Variants in DNAL1 observed in about 807,000 individuals in gnomAD.
DNAL1 encodes dynein axonemal light chain 1.
A neutral mutation model predicts 29.4 loss-of-function variants in DNAL1; 17 were observed. The observed-to-expected ratio is 0.58, with a 90% CI of 0.40 to 0.87. The LOEUF (loss-of-function observed/expected upper bound fraction) is 0.87. DNAL1 is among the 40% of genes least tolerant of loss of function. The pLI, the probability that DNAL1 is intolerant of heterozygous loss-of-function variation, is 0.00. For synonymous variants in DNAL1, 78 were observed against 76.3 expected, an observed-to-expected ratio of 1.02 and a Z score of -0.12; for missense variants, 188 against 214.1, an observed-to-expected ratio of 0.88 and a Z score of 0.76.
chr14:73,672,238 A>C (rs1187226638), intron 5 of DNAL1, among the ~76,000 whole-genome samples: 1 of 152,206 alleles, frequency 6.6e-6, no homozygotes, highest in African/African-American at 2.4e-5. Context: ...CCAAACTCTG[A>C]ATTATATTTC....
rs1891392733 is a variant in DNAL1, at chr14:73,663,076, T to C, written c.208+1034T>C. Among the ~76,000 whole-genome samples the C allele has an allele frequency of 2.6e-5, 4 of 152,114 alleles. No individual in the cohort carries two copies. The South Asian group carries it at 8.3e-4, about 31-fold the overall frequency. On this transcript the variant is annotated intron_variant, in intron 4 of 7. Transcript: ENST00000553645. ...CTTCAAACATTTTGACCACTTTCCATTGTAAGAAATACATCTGAATGTATT... is the reference window on the plus strand; with the variant it reads ...CTTCAAACATTTTGACCACTTTCCACTGTAAGAAATACATCTGAATGTATT...
intron 4 of DNAL1, among the ~76,000 whole-genome samples, chr14:73,667,394 GC>G (rs1891512027): frequency 6.6e-6 from 1 of 151,980 alleles, no homozygotes; most frequent in African/African-American, 2.4e-5. Flanking sequence ...GAATCAAAGT[GC>G]TGGGATTACA....
chr14:73,660,033 TCTC>T (rs1891308787), intron 3 of DNAL1, among the ~76,000 whole-genome samples: 5 of 152,136 alleles, frequency 3.3e-5, no homozygotes, highest in Admixed American at 3.3e-4. Context: ...TTCAAGCAAT[TCTC>T]CTGCCTCAGC....
rs1892422555 is a variant in DNAL1, at chr14:73,700,912, TTC to T, written c.*4972_*4973del. ...GTGCTCTAACATGTGTCATATTGTT[TTC>T]TTTTTGTAAACCATAAAATGGGTGA... On this transcript the variant is annotated 3_prime_UTR_variant, in exon 8 of 8. Coordinates refer to ENST00000553645, the MANE Select transcript of DNAL1 (RefSeq NM_031427.4). The T allele has an allele frequency of 1.3e-5, 2 of 152,242 alleles. No individual in the cohort carries two copies. The highest frequency in any genetic ancestry group is 2.9e-5 in the Non-Finnish European group (2 of 68,046). 9.4% of individuals were successfully genotyped at this position (152,242 alleles called of 1,614,324 possible). A position where few individuals can be genotyped will look rare whatever the true frequency, so the allele number is the denominator to read the frequency against.
chr14:73,648,417 T>TATATATATA (rs71112789), intron 1 of DNAL1, among the ~76,000 whole-genome samples: 3 of 132,822 alleles, frequency 2.3e-5, no homozygotes, highest in East Asian at 2.1e-4. Flanking sequence ...TATATATATA[T>TATATATATA]TTGTTGTTTG....
In DNAL1 at chr14:73,702,329, G is replaced by A. The variant is rs1195843838; in HGVS notation, c.*6387G>A. On this transcript the variant is annotated 3_prime_UTR_variant, in exon 8 of 8. Transcript: ENST00000553645. ...TAATTTTTGTATTTTTAGTAGAGACGAAGTTTCACCATGCTGGCCAGGTTG... is the reference window on the plus strand; with the variant it reads ...TAATTTTTGTATTTTTAGTAGAGACAAAGTTTCACCATGCTGGCCAGGTTG... The A allele has an allele frequency of 5.9e-5, 9 of 151,982 alleles. No individual in the cohort carries two copies. The highest frequency in any genetic ancestry group is 7.4e-5 in the Non-Finnish European group (5 of 68,018). 9.4% of individuals were successfully genotyped at this position (151,982 alleles called of 1,614,324 possible).
At chr14:73,662,112 A>C (rs996323336) in intron 4 of DNAL1, 70 bp downstream of exon 4, 3 of 1,323,574 alleles carry the variant, frequency 2.3e-6, no homozygotes, top group Non-Finnish European at 3.2e-6. Flanking sequence ...CGGAGACAAT[A>C]TGTAATTCCA....
chr14:73,674,076 G>T (rs1371934377), intron 5 of DNAL1, among the ~76,000 whole-genome samples: 2 of 151,774 alleles, frequency 1.3e-5, no homozygotes, highest in African/African-American at 2.4e-5. Flanking sequence ...AAGGAAAGGG[G>T]TTGATTTATA....
intron 5 of DNAL1, 45 bp downstream of exon 5, chr14:73,671,642 A>G: frequency 1.5e-6 from 2 of 1,368,686 alleles, no homozygotes; most frequent in Non-Finnish European, 1.9e-6. Flanking sequence ...ATTTGCACAC[A>G]TCTATGAATA....
In DNAL1 at chr14:73,677,216, C is replaced by T. The variant is rs372162868; in HGVS notation, c.264+5619C>T. Among the ~76,000 whole-genome samples the T allele has an allele frequency of 5.3e-5, 8 of 152,124 alleles. No homozygotes were observed. The South Asian group carries it at 8.3e-4, about 16-fold the overall frequency. ...CGATCTCCTGACCTCGTGATCTGCC[C>T]GCCTCGGCCTCCCGAAGTGCTGGGA... is the stretch of plus-strand genomic sequence containing the variant. On this transcript the variant is annotated intron_variant, in intron 5 of 7. Transcript: ENST00000553645.
At chr14:73,677,884 T>TGTGTGTGTGTGTGTGTGTGTG (rs1555402397) in intron 5 of DNAL1, among the ~76,000 whole-genome samples, 1 of 96,130 alleles carries the variant, frequency 1.0e-5, no homozygotes, top group African/African-American at 3.8e-5. Context: ...ATATATATAT[T>TGTGTGTGTGTGTGTGTGTGTG]TGTGTGTGTG....
At position 73,646,405 on chromosome 14, in the gene DNAL1, A is replaced by G. The variant is rs554886695; in HGVS notation, c.3+1363A>G. ...CTACAAAGTTTTACAGCATTTTACT[A>G]TACTGAATACTGTAGGCAGTTGAAA... On this transcript the variant is annotated intron_variant, in intron 1 of 7. Coordinates refer to ENST00000553645, the MANE Select transcript of DNAL1 (RefSeq NM_031427.4). 7.9e-4 allele frequency among the ~76,000 whole-genome samples: 120 copies of G among 151,042 alleles called. 1 individual carries two copies. The highest frequency in any genetic ancestry group is 2.8e-3 in the African/African-American group (118 of 41,466).
rs11379191 is a variant in DNAL1 at position 73,678,511 on chromosome 14, CTTTT to C, written c.264+6933_264+6936del. Among the ~76,000 whole-genome samples, 371 of 118,170 alleles carry C rather than the reference CTTTT, an allele frequency of 3.1e-3. 2 individuals are homozygous for C. Among genetic ancestry groups the C allele is most frequent in the African/African-American group, 0.011 (350 of 31,658 alleles). The allele number at this position is 118,170 out of a possible 152,430, so 77.5% of individuals were successfully genotyped here. ...TATTCAAATATAGTGAGCAGGTATT[CTTTT>C]TTTTTTTTTTTTTTTTTTAGCAGTG... On this transcript the variant is annotated intron_variant, in intron 5 of 7. Coordinates refer to ENST00000553645, the MANE Select transcript of DNAL1 (RefSeq NM_031427.4).
At chr14:73,680,016 T>C (rs1891839254) in intron 5 of DNAL1, among the ~76,000 whole-genome samples, 1 of 152,158 alleles carries the variant, frequency 6.6e-6, no homozygotes, top group Non-Finnish European at 1.5e-5. Flanking sequence ...TTTGTTGTTC[T>C]TTCTATAAAT....
intron 5 of DNAL1, among the ~76,000 whole-genome samples, chr14:73,675,744 G>A (rs1250578204): frequency 2.6e-5 from 4 of 152,086 alleles, no homozygotes; most frequent in African/African-American, 7.2e-5. Flanking sequence ...TAGGCTGGGC[G>A]CAGTGGCTCA....
intron 7 of DNAL1, among the ~76,000 whole-genome samples, chr14:73,689,757 G>A (rs905315839): frequency 6.6e-6 from 1 of 151,948 alleles, no homozygotes; most frequent in African/African-American, 2.4e-5. Context: ...AGGCCTGGCC[G>A]GGCATGGGTG....
intron 7 of DNAL1, among the ~76,000 whole-genome samples, chr14:73,694,544 A>AT (rs5809625): frequency 0.6 from 90,415 of 150,872 alleles, 30,308 homozygotes; most frequent in East Asian, 0.94. Flanking sequence ...CTCTACAGTG[A>AT]TTTTTTTTTC....
Position 73,677,984 on chromosome 14 carries a change from C to A in DNAL1, c.264+6387C>A, listed in dbSNP as rs1242744217. Among the ~76,000 whole-genome samples the A allele has an allele frequency of 2.6e-5, 4 of 151,062 alleles. No individual in the cohort carries two copies. The Admixed American group carries it at 2.7e-4, about 10-fold the overall frequency. ...CAATCTCAGCTCACTGCAACCTCGA[C>A]CTCCTGGGCTTAAGTGATCCTCCCA... On this transcript the variant is annotated intron_variant, in intron 5 of 7. Coordinates refer to ENST00000553645, the MANE Select transcript of DNAL1 (RefSeq NM_031427.4).
At chr14:73,687,010 ATT>A (rs372358652) in intron 5 of DNAL1, among the ~76,000 whole-genome samples, 17 of 141,368 alleles carry the variant, frequency 1.2e-4, no homozygotes, top group Admixed American at 7.1e-5. Flanking sequence ...ATGTTTTGTG[ATT>A]TTTTTTTTTT....
Sources: gnomAD v4.1 joint callset for allele counts (sites outside exome capture counted in the v4.1 genomes callset) on GRCh38, gnomAD v4.1.1 for gene constraint, MANE v1.5 for transcripts, NCBI Gene and HGNC (gene_info 2026-07-23, HGNC 2026-07-21) for gene names.